Variants in SACS observed in about 807,000 individuals in gnomAD.
SACS encodes the protein sacsin.
A neutral mutation model predicts 348.0 loss-of-function variants in SACS; 197 were observed. The ratio of observed to expected loss-of-function variants is 0.57; its 90% CI spans 0.50 to 0.64. The LOEUF (loss-of-function observed/expected upper bound fraction) is 0.64. Ranked by LOEUF, SACS falls within the 30% of genes least tolerant of loss-of-function variation. SACS has a pLI of 0.00. For missense variants in SACS, 4,999 were observed against 5,360.8 expected (o/e 0.93, Z 2.11); for synonymous variants, 1,985 against 1,910.6 (o/e 1.04, Z -1.02).
At chr13:23,382,788 T>G (rs943159044) in intron 2 of SACS, among the ~76,000 whole-genome samples, 2 of 145,176 alleles carry the variant, frequency 1.4e-5, no homozygotes, top group East Asian at 3.9e-4. Context: ...GTGTGGTTTT[T>G]GTTTTTTTTT....
chr13:23,337,955 T>TCTTTCCCTCTTC lies in SACS; in HGVS notation c.5920_5921insGAAGAGGGAAAG (p.Lys1973_Glu1974insGlyArgGlyLys). On this transcript the variant is annotated inframe_insertion, in exon 10 of 10. Transcript: ENST00000382292. Reference sequence around the variant, plus strand: ...TCCATCAGAGAAGACTTTGGTCAGTTCTTTCCCTTTTCCATGAGCTATATC... The same window carrying TCTTTCCCTCTTC: ...TCCATCAGAGAAGACTTTGGTCAGTTCTTTCCCTCTTCCTTTCCCTTTTCCATGAGCTATATC... 1 of 1,614,086 alleles carries TCTTTCCCTCTTC rather than the reference T, an allele frequency of 6.2e-7. No individual in the cohort carries two copies. The highest frequency in any genetic ancestry group is 8.5e-7 in the Non-Finnish European group (1 of 1,179,988).
chr13:23,348,398 C>T (rs1261465016), intron 9 of SACS, among the ~76,000 whole-genome samples: 2 of 152,270 alleles, frequency 1.3e-5, no homozygotes, highest in East Asian at 1.9e-4. Context: ...TTGGCCTCTG[C>T]GCCCCATCTC....
At chr13:23,366,594 T>C (rs1871077218) in intron 5 of SACS, among the ~76,000 whole-genome samples, 1 of 152,226 alleles carries the variant, frequency 6.6e-6, no homozygotes, top group Non-Finnish European at 1.5e-5. Flanking sequence ...TACAAAATGA[T>C]AGCACTTTAG....
Position 23,336,409 on chromosome 13 carries a change from G to C in SACS, c.7467C>G (p.Pro2489=). 1 of 1,614,042 alleles carries C rather than the reference G, an allele frequency of 6.2e-7. No individual in the cohort carries two copies. The highest frequency in any genetic ancestry group is 8.5e-7 in the Non-Finnish European group (1 of 1,179,936). ...CTCCTAGTTTTACTGCTACTTCCCT[G>C]GGTATGTCAGCATGACAATATTTTA... ...TTVKYCHADI[P]REVAVKLGAV... The change falls in exon 10 of 10, where the codon CCC becomes CCG. Residue 2489 remains proline, a synonymous_variant. Transcript: ENST00000382292.
chr13:23,372,366 C>A (rs184333354), intron 3 of SACS, among the ~76,000 whole-genome samples: 1 of 152,186 alleles, frequency 6.6e-6, no homozygotes, highest in African/African-American at 2.4e-5. Context: ...ATTCTCAACA[C>A]ATTTTACCAA....
At chr13:23,378,715 T>A (rs536801546) in intron 2 of SACS, among the ~76,000 whole-genome samples, 10 of 152,136 alleles carry the variant, frequency 6.6e-5, no homozygotes, top group African/African-American at 2.2e-4. Context: ...GTGCTAGAAT[T>A]ACAGGGGTGA....
chr13:23,431,177 C>A (rs1833417690), intron 1 of SACS, among the ~76,000 whole-genome samples: 1 of 152,150 alleles, frequency 6.6e-6, no homozygotes, highest in South Asian at 2.1e-4. Context: ...ACTGAGGCTA[C>A]CCCAAAGAGA....
chr13:23,364,373 C>G (rs1356931926), intron 6 of SACS, among the ~76,000 whole-genome samples: 1 of 152,132 alleles, frequency 6.6e-6, no homozygotes, highest in Non-Finnish European at 1.5e-5. Context: ...CTCCGCCTCC[C>G]GAGTTCAAGC....
chr13:23,380,609 T>C (rs1452149056), intron 2 of SACS, among the ~76,000 whole-genome samples: 3 of 152,202 alleles, frequency 2.0e-5, no homozygotes, highest in African/African-American at 7.2e-5. Flanking sequence ...CTTAAATGCT[T>C]TGCAAACACT....
At chr13:23,345,802 T>C (rs1869561187) in intron 9 of SACS, among the ~76,000 whole-genome samples, 1 of 152,170 alleles carries the variant, frequency 6.6e-6, no homozygotes, top group South Asian at 2.1e-4. Context: ...ACATTTATCA[T>C]AAAAATGATT....
chr13:23,371,056 T>C, intron 4 of SACS, 22 bp downstream of exon 4: 1 of 1,452,138 alleles, frequency 6.9e-7, no homozygotes, highest in Non-Finnish European at 9.6e-7. Context: ...GGTATATACT[T>C]CTGGTAAAGT....
At chr13:23,350,718 A>G (rs375823480) in intron 9 of SACS, among the ~76,000 whole-genome samples, 17 of 152,338 alleles carry the variant, frequency 1.1e-4, no homozygotes, top group African/African-American at 3.4e-4. Context: ...AAATGTAGTT[A>G]CATGTCTGTG....
chr13:23,398,929 G>A (rs1872827872), intron 2 of SACS, among the ~76,000 whole-genome samples: 1 of 147,138 alleles, frequency 6.8e-6, no homozygotes, highest in South Asian at 2.2e-4. Flanking sequence ...GTTGAGGCAG[G>A]GGAATTGCTT....
intron 7 of SACS, among the ~76,000 whole-genome samples, chr13:23,357,505 T>G (rs541768295): frequency 3.9e-5 from 6 of 152,312 alleles, no homozygotes; most frequent in African/African-American, 1.4e-4. Context: ...AGTCTGAGAA[T>G]AGTACCACCC....
In SACS at chr13:23,330,377, A is replaced by C; in HGVS notation, c.13499T>G (p.Val4500Gly). ...YAVRGKSDKD[V>G]KPTALAQKIE... ...TTTCTGAGCAAGTGCAGTTGGTTTT[A>C]CATCTTTATCAGACTTTCCCCTCAC... The change falls in exon 10 of 10, where the codon GTA becomes GGA. Residue 4500 changes from valine to glycine, a missense_variant. By Grantham distance (109) the Val-to-Gly change is moderately radical. Transcript: ENST00000382292. The C allele has an allele frequency of 6.2e-7, 1 of 1,614,190 alleles. No homozygotes were observed. The highest frequency in any genetic ancestry group is 8.5e-7 in the Non-Finnish European group (1 of 1,180,020).
chr13:23,385,452 T>G (rs1197411334), intron 2 of SACS, among the ~76,000 whole-genome samples: 1 of 151,884 alleles, frequency 6.6e-6, no homozygotes, highest in Non-Finnish European at 1.5e-5. Context: ...TTCCGCTTCC[T>G]GGGTTCAAGC....
chr13:23,374,939 G>C (rs1252260410), intron 3 of SACS, among the ~76,000 whole-genome samples, 180 bp downstream of exon 3: 1 of 152,174 alleles, frequency 6.6e-6, no homozygotes, highest in Non-Finnish European at 1.5e-5. Flanking sequence ...GTTCGGGGTG[G>C]GGGATGCAAA....
chr13:23,375,318 C>G (rs1871692305), intron 2 of SACS, 49 bp from the exon 3 acceptor site: 1 of 1,359,294 alleles, frequency 7.4e-7, no homozygotes. Flanking sequence ...GCCACCCGCC[C>G]GCCCAGCGCC....
At chr13:23,394,848 C>A (rs1872651845) in intron 2 of SACS, among the ~76,000 whole-genome samples, 1 of 152,192 alleles carries the variant, frequency 6.6e-6, no homozygotes, top group African/African-American at 2.4e-5. Context: ...GAGCAAGTCT[C>A]CCTCTCGAAA....
Sources: allele counts gnomAD v4.1 joint callset (sites outside exome capture counted in the v4.1 genomes callset), GRCh38; gene constraint gnomAD v4.1.1; transcripts MANE v1.5; gene names NCBI Gene and HGNC (gene_info 2026-07-23, HGNC 2026-07-21).